ERBB4: variants seen among roughly 807,000 people sequenced by gnomAD.
The protein encoded by ERBB4 is erb-b2 receptor tyrosine kinase 4, also known as receptor tyrosine-protein kinase erbB-4.
A neutral mutation model predicts 158.0 loss-of-function variants in ERBB4; 42 were observed. The observed-to-expected ratio is 0.27, with a 90% confidence interval of 0.21 to 0.34. The LOEUF (loss-of-function observed/expected upper bound fraction) is 0.34, where lower values mean the gene tolerates loss of function less well. Ranked by LOEUF, ERBB4 falls within the 10% of genes least tolerant of loss-of-function variation. The probability of loss-of-function intolerance (pLI) is 1.00; values close to 1 mark genes in which losing one functional copy is unlikely to be tolerated. For synonymous variants in ERBB4, 583 were observed against 558.7 expected, an observed-to-expected ratio of 1.04 and a Z score of -0.61; for missense variants, 1,333 against 1,624.1, an observed-to-expected ratio of 0.82 and a Z score of 3.08.
intron 19 of ERBB4, among the ~76,000 whole-genome samples, chr2:211,584,023 T>C (rs554581949): frequency 7.5e-5 from 11 of 147,184 alleles, no homozygotes; most frequent in African/African-American, 2.8e-4. Flanking sequence ...TGAGATAGCA[T>C]ACTAGATGCT....
Position 212,538,647 on chromosome 2 carries a change from G to T in ERBB4, c.-117C>A. 2 of 1,007,818 alleles carry T rather than the reference G, an allele frequency of 2.0e-6. No homozygotes were observed. Among genetic ancestry groups the T allele is most frequent in the South Asian group, 1.4e-5 (1 of 73,398 alleles). 62.4% of individuals were successfully genotyped at this position (1,007,818 alleles called of 1,614,324 possible). A position where few individuals can be genotyped will look rare whatever the true frequency, so the allele number is the denominator to read the frequency against. On this transcript the variant is annotated 5_prime_UTR_variant, in exon 1 of 28. Transcript: ENST00000342788. ...GCGCGTGGGGGTGCGAGGGGGGCGGGCGCGGCGCGCGCGGTGTGGCGACTC... is the reference window on the plus strand; with the variant it reads ...GCGCGTGGGGGTGCGAGGGGGGCGGTCGCGGCGCGCGCGGTGTGGCGACTC...
intron 2 of ERBB4, among the ~76,000 whole-genome samples, chr2:212,089,625 C>G (rs1477697135): frequency 1.3e-5 from 2 of 152,108 alleles, no homozygotes; most frequent in East Asian, 3.9e-4. Flanking sequence ...TCCTGCCATG[C>G]AGATGTCTGT....
At chr2:212,211,636 C>T (rs1349313488) in intron 1 of ERBB4, among the ~76,000 whole-genome samples, 5 of 123,106 alleles carry the variant, frequency 4.1e-5, no homozygotes, top group Admixed American at 8.5e-5. Flanking sequence ...AAAATGGATA[C>T]ATGTATAGAA....
chr2:212,287,717 G>C (rs1256120682), intron 1 of ERBB4, among the ~76,000 whole-genome samples: 1 of 152,262 alleles, frequency 6.6e-6, no homozygotes, highest in Middle Eastern at 3.4e-3. Flanking sequence ...AGAAAAGACT[G>C]CCTAAGAATT....
At chr2:212,037,686 T>G (rs2077047150) in intron 2 of ERBB4, among the ~76,000 whole-genome samples, 1 of 152,324 alleles carries the variant, frequency 6.6e-6, no homozygotes, top group East Asian at 1.9e-4. Context: ...CATAAACTTC[T>G]TATGTGCAGA....
intron 10 of ERBB4, 68 bp downstream of exon 10, chr2:211,705,246 CCAGT>C (rs1313369978): frequency 2.8e-6 from 3 of 1,058,706 alleles, no homozygotes; most frequent in Non-Finnish European, 4.4e-6. Context: ...GCCACGATGC[CCAGT>C]CAATCTTGTG....
intron 3 of ERBB4, among the ~76,000 whole-genome samples, chr2:211,810,564 T>A (rs951727186): frequency 6.6e-6 from 1 of 151,992 alleles, no homozygotes; most frequent in African/African-American, 2.4e-5. Flanking sequence ...CTCCGTCCCT[T>A]TATTTTGAGC....
chr2:211,664,159 T>C (rs916546806), intron 15 of ERBB4, among the ~76,000 whole-genome samples: 1 of 152,188 alleles, frequency 6.6e-6, no homozygotes, highest in African/African-American at 2.4e-5. Flanking sequence ...CTGCAGGAAA[T>C]TGTAGCAACA....
chr2:211,563,773 G>A (rs1455901916), intron 19 of ERBB4, among the ~76,000 whole-genome samples: 1 of 150,242 alleles, frequency 6.7e-6, no homozygotes, highest in Non-Finnish European at 1.5e-5. Flanking sequence ...CAGGGAGGGA[G>A]AGAGATATAT....
intron 1 of ERBB4, among the ~76,000 whole-genome samples, chr2:212,453,258 A>G (rs1688099172): frequency 1.3e-5 from 2 of 152,176 alleles, no homozygotes; most frequent in Admixed American, 1.3e-4. Flanking sequence ...TAACCCTTGC[A>G]AGTCTACTTT....
chr2:211,840,372 A>T (rs1264564344), intron 3 of ERBB4, among the ~76,000 whole-genome samples: 1 of 151,820 alleles, frequency 6.6e-6, no homozygotes, highest in Non-Finnish European at 1.5e-5. Context: ...TTTATAAATT[A>T]CCCAGTCTTG....
rs1354650119 is a variant in ERBB4 at position 211,549,026 on chromosome 2, C to T, written c.2487+12877G>A. 5.3e-5 allele frequency among the ~76,000 whole-genome samples: 8 copies of T among 152,054 alleles called. 1 individual carries two copies. The South Asian group carries it at 6.2e-4, about 12-fold the overall frequency. Reference sequence around the variant, plus strand: ...GTTCTTTTGGGCTGGGTTCTCTCTGCGTCATTTTTTAATTGTTTTTCTTTC... The same window carrying T: ...GTTCTTTTGGGCTGGGTTCTCTCTGTGTCATTTTTTAATTGTTTTTCTTTC... On this transcript the variant is annotated intron_variant, in intron 20 of 27. Transcript: ENST00000342788.
intron 20 of ERBB4, among the ~76,000 whole-genome samples, chr2:211,505,777 G>A (rs927341409): frequency 7.2e-5 from 11 of 151,926 alleles, no homozygotes; most frequent in African/African-American, 2.7e-4. Context: ...TGGCTAACAC[G>A]GTGAAACCCC....
At chr2:212,103,545 C>A (rs2079142007) in intron 2 of ERBB4, among the ~76,000 whole-genome samples, 1 of 152,020 alleles carries the variant, frequency 6.6e-6, no homozygotes, top group African/African-American at 2.4e-5. Flanking sequence ...ACAACTCCTA[C>A]ATATCTGGAT....
intron 1 of ERBB4, among the ~76,000 whole-genome samples, chr2:212,304,514 A>G (rs2086737089): frequency 6.6e-6 from 1 of 151,430 alleles, no homozygotes; most frequent in Non-Finnish European, 1.5e-5. Flanking sequence ...ACTTATTTCT[A>G]CCAATCAATC....
chr2:212,413,130 G>A (rs930775229), intron 1 of ERBB4, among the ~76,000 whole-genome samples: 1 of 143,070 alleles, frequency 7.0e-6, no homozygotes, highest in Non-Finnish European at 1.5e-5. Context: ...ACCATGCGTG[G>A]CTAATTTTTT....
At chr2:212,430,636 T>C (rs2092008262) in intron 1 of ERBB4, among the ~76,000 whole-genome samples, 1 of 152,084 alleles carries the variant, frequency 6.6e-6, no homozygotes, top group Non-Finnish European at 1.5e-5. Context: ...GAGATGGGGT[T>C]TCACCATGTT....
At chr2:212,443,844 G>A (rs2092301179) in intron 1 of ERBB4, among the ~76,000 whole-genome samples, 1 of 152,176 alleles carries the variant, frequency 6.6e-6, no homozygotes, top group Admixed American at 6.5e-5. Context: ...CTCCTTTTGA[G>A]AGACAGCTCT....
chr2:211,874,691 A>G (rs2078447220), intron 3 of ERBB4, among the ~76,000 whole-genome samples: 1 of 152,062 alleles, frequency 6.6e-6, no homozygotes, highest in Non-Finnish European at 1.5e-5. Flanking sequence ...TTGACTCTTC[A>G]CTGCTCCTTA....
Sources: gnomAD v4.1 joint callset for allele counts (sites outside exome capture counted in the v4.1 genomes callset) on GRCh38, gnomAD v4.1.1 for gene constraint, MANE v1.5 for transcripts, NCBI Gene and HGNC (gene_info 2026-07-23, HGNC 2026-07-21) for gene names.